The following PPEF2 variants were observed in gnomAD, a reference collection of about 807,000 sequenced individuals.
PPEF2 encodes serine/threonine-protein phosphatase with EF-hands 2.
PPEF2 carries 84 observed loss-of-function variants against 84.7 expected under a neutral mutation model. That is an observed-to-expected ratio of 0.99 (90% CI 0.83 to 1.19). The LOEUF is 1.19. Ranked by LOEUF, PPEF2 falls within the 50% of genes most tolerant of loss-of-function variation. PPEF2 has a pLI of 0.00. For synonymous variants in PPEF2, 346 were observed against 345.2 expected (o/e 1.00, Z -0.03); for missense variants, 924 against 937.5 (o/e 0.99, Z 0.19).
chr4:75,868,036 G>A (rs937827294), intron 13 of PPEF2, among the ~76,000 whole-genome samples: 2 of 151,978 alleles, frequency 1.3e-5, no homozygotes, highest in Admixed American at 6.6e-5. Context: ...GAGGCTTGGC[G>A]TGGTGGCTCA....
In PPEF2 at chr4:75,864,398, C is replaced by T. The variant is rs753130500; in HGVS notation, c.2008+42G>A. 6 of 1,419,828 alleles carry T rather than the reference C, an allele frequency of 4.2e-6. No individual in the cohort carries two copies. In the South Asian group the frequency reaches 6.9e-5, roughly 16 times the overall value. 88.0% of individuals were successfully genotyped at this position (1,419,828 alleles called of 1,614,324 possible). A position where few individuals can be genotyped will look rare whatever the true frequency, so the allele number is the denominator to read the frequency against. ...GAGATTAAGGGTTTAAGGTAAAATA[C>T]TTGCAGTGCTTCAAAAGTGATAGAA... On this transcript the variant is annotated intron_variant, in intron 16 of 16. Coordinates refer to ENST00000286719, the MANE Select transcript of PPEF2 (RefSeq NM_006239.3).
chr4:75,876,485 G>A lies in PPEF2; in HGVS notation c.1122C>T (p.Ser374=). The part of the protein sequence containing the change: ...YKAQKTSRSS[S]IPCSGSLDGR... Reference sequence around the variant, plus strand: ...CGTCCAGGGAACCGCTGCAGGGGATGCTGGAGGACCTGCTGGTTTTCTGGG... The same window carrying A: ...CGTCCAGGGAACCGCTGCAGGGGATACTGGAGGACCTGCTGGTTTTCTGGG... Residue 374 remains serine (S), a synonymous_variant, in exon 11 of 17, where the codon AGC becomes AGT. Transcript: ENST00000286719. 6.2e-7 allele frequency: 1 copy of A among 1,614,010 alleles called. No individual in the cohort carries two copies. Among genetic ancestry groups the A allele is most frequent in the Non-Finnish European group, 8.5e-7 (1 of 1,179,904 alleles).
chr4:75,870,456 A>T (rs1365391701), intron 13 of PPEF2, among the ~76,000 whole-genome samples: 1 of 152,182 alleles, frequency 6.6e-6, no homozygotes, highest in African/African-American at 2.4e-5. Context: ...ACAAGGGTAA[A>T]TGCTAAATAC....
intron 5 of PPEF2, 77 bp downstream of exon 5, chr4:75,889,880 C>T: frequency 2.7e-6 from 4 of 1,506,606 alleles, no homozygotes; most frequent in Non-Finnish European, 2.8e-6. Flanking sequence ...TGGGGCCATT[C>T]TTTCTGTGCT....
chr4:75,887,853 G>T (rs776500023), intron 6 of PPEF2, among the ~76,000 whole-genome samples: 4 of 152,136 alleles, frequency 2.6e-5, no homozygotes, highest in Non-Finnish European at 4.4e-5. Context: ...GTGGATGGGA[G>T]GAATAATTTG....
intron 2 of PPEF2, among the ~76,000 whole-genome samples, chr4:75,895,687 G>A (rs779934218): frequency 6.6e-6 from 1 of 151,796 alleles, no homozygotes; most frequent in Non-Finnish European, 1.5e-5. Flanking sequence ...AGTAGAGATC[G>A]TGCCACTGCA....
At position 75,898,921 on chromosome 4, in the gene PPEF2, G is replaced by T. The variant is rs144757364; in HGVS notation, c.-58-2538C>A. 5.1e-4 allele frequency among the ~76,000 whole-genome samples: 77 copies of T among 152,072 alleles called. 2 individuals carry two copies. The East Asian group carries it at 0.014, about 28-fold the overall frequency. ...ATACAATGCATTATTGTTAGATATA[G>T]TCATGGTACTGTACAATGGAGTGCC... On this transcript the variant is annotated intron_variant, in intron 1 of 16. Transcript: ENST00000286719.
rs1343075959 is a variant in PPEF2 at position 75,876,658 on chromosome 4, T to G, written c.949A>C (p.Arg317=). 6.4e-7 allele frequency: 1 copy of G among 1,552,142 alleles called. No individual in the cohort carries two copies. The highest frequency in any genetic ancestry group is 8.7e-7 in the Non-Finnish European group (1 of 1,149,520). ...IERSKIVSTM[R]CKTRQKSEKQ... is the part of the protein sequence containing the mutation. Reference sequence around the variant, plus strand: ...TCACTCTTCTGTCTCGTTTTGCACCTCATGGTGGAAACTATCTAAACACGT... The same window carrying G: ...TCACTCTTCTGTCTCGTTTTGCACCGCATGGTGGAAACTATCTAAACACGT... The change falls in exon 11 of 17, where the codon AGG becomes CGG. Residue 317 remains arginine, a synonymous_variant. Transcript: ENST00000286719.
intron 2 of PPEF2, among the ~76,000 whole-genome samples, chr4:75,895,010 A>G (rs1724975238): frequency 1.3e-5 from 2 of 152,212 alleles, no homozygotes; most frequent in South Asian, 2.1e-4. Flanking sequence ...GCTGGAGGGC[A>G]GTGGCATGAT....
intron 2 of PPEF2, among the ~76,000 whole-genome samples, chr4:75,892,334 C>T (rs1280918141): frequency 6.6e-6 from 1 of 152,062 alleles, no homozygotes; most frequent in East Asian, 1.9e-4. Flanking sequence ...GATGCAGCAT[C>T]CCTGACAGGT....
intron 13 of PPEF2, 129 bp downstream of exon 13, chr4:75,871,896 C>T: frequency 1.0e-6 from 1 of 991,840 alleles, no homozygotes; most frequent in Non-Finnish European, 1.5e-6. Context: ...AATAGAACTT[C>T]ATGCTGACAT....
chr4:75,890,008 T>G lies in PPEF2; in HGVS notation c.366A>C (p.Pro122=), dbSNP rs1035908216. 1 of 1,613,684 alleles carries G rather than the reference T, an allele frequency of 6.2e-7. No homozygotes were observed. Among genetic ancestry groups the G allele is most frequent in the Admixed American group, 1.7e-5 (1 of 59,946 alleles). Residue 122 remains proline (P), a synonymous_variant, in exon 5 of 17, where the codon CCA becomes CCC. Transcript: ENST00000286719. ...GGGCAGTTGCATGGTCAGGCAGGAG[T>G]GGGAAGGAGAGGCGTGGCCCCGTGT... ...DSYTGPRLSF[P]LLPDHATALV...
chr4:75,900,958 A>C lies in PPEF2; in HGVS notation c.-59+1272T>G, dbSNP rs1417682779. ...TATCATCTGTATAAAAAAAGTCAGTAAGTATATAAAAATGAAAGACTATAC... is the reference window on the plus strand; with the variant it reads ...TATCATCTGTATAAAAAAAGTCAGTCAGTATATAAAAATGAAAGACTATAC... On this transcript the variant is annotated intron_variant, in intron 1 of 16. Coordinates refer to ENST00000286719, the MANE Select transcript of PPEF2 (RefSeq NM_006239.3). Among the ~76,000 whole-genome samples the C allele has an allele frequency of 2.6e-5, 4 of 152,336 alleles. No individual in the cohort carries two copies. The East Asian group carries it at 7.7e-4, about 29-fold the overall frequency.
rs145171160 is a variant in PPEF2, at chr4:75,880,230, G to A, written c.933+2696C>T. Among the ~76,000 whole-genome samples, 320 of 152,250 alleles carry A rather than the reference G, an allele frequency of 2.1e-3. 1 individual carries two copies. The highest frequency in any genetic ancestry group is 7.2e-3 in the African/African-American group (299 of 41,562). On this transcript the variant is annotated intron_variant, in intron 10 of 16. Transcript: ENST00000286719. ...TGTATTGAGCCTTTTCCAAATAGGCGCTGTTCTGGGCATTTTCTATAAATT... is the reference window on the plus strand; with the variant it reads ...TGTATTGAGCCTTTTCCAAATAGGCACTGTTCTGGGCATTTTCTATAAATT...
chr4:75,860,835 ACAGATG>A lies in PPEF2; in HGVS notation c.2088_2093del (p.Ile697_Cys698del). The A allele has an allele frequency of 6.2e-7, 1 of 1,614,260 alleles. No homozygotes were observed. Among genetic ancestry groups the A allele is most frequent in the Non-Finnish European group, 8.5e-7 (1 of 1,180,050 alleles). The stretch of plus-strand genomic sequence containing the variant: ...TGAAATCAATGCTCCGAGCAAGGTC[ACAGATG>A]CAGTCATCTGTAATGTCGATATTCA... On this transcript the variant is annotated inframe_deletion, in exon 17 of 17. Transcript: ENST00000286719.
chr4:75,892,571 G>T lies in PPEF2; in HGVS notation c.56-593C>A, dbSNP rs3775072. On this transcript the variant is annotated intron_variant, in intron 2 of 16. Transcript: ENST00000286719. Reference sequence around the variant, plus strand: ...ATGCATCATACGATGTCAGGGGGTAGCAACTGTGTCCCAGCTCCCATGCTT... The same window carrying T: ...ATGCATCATACGATGTCAGGGGGTATCAACTGTGTCCCAGCTCCCATGCTT... 2.4e-4 allele frequency among the ~76,000 whole-genome samples: 37 copies of T among 152,308 alleles called. No homozygotes were observed. The East Asian group carries it at 6.8e-3, about 28-fold the overall frequency.
At chr4:75,867,529 G>T in intron 13 of PPEF2, 110 bp from the exon 14 acceptor site, 1 of 815,298 alleles carries the variant, frequency 1.2e-6, no homozygotes, top group Non-Finnish European at 1.9e-6. Flanking sequence ...TCTCCCAAGA[G>T]CTCAGTTTTC....
At chr4:75,885,782 A>C (rs968431090) in intron 7 of PPEF2, among the ~76,000 whole-genome samples, 15 of 152,044 alleles carry the variant, frequency 9.9e-5, no homozygotes, top group African/African-American at 3.4e-4. Flanking sequence ...AGGCTGAGGC[A>C]GGTGGATCAT....
intron 10 of PPEF2, among the ~76,000 whole-genome samples, chr4:75,879,249 A>G (rs1019299470): frequency 2.6e-5 from 4 of 152,206 alleles, no homozygotes; most frequent in African/African-American, 4.8e-5. Context: ...GTATTTTGAC[A>G]TTTGAAATTT....
Sources: gnomAD v4.1 joint callset for allele counts (sites outside exome capture counted in the v4.1 genomes callset) on GRCh38, gnomAD v4.1.1 for gene constraint, MANE v1.5 for transcripts, NCBI Gene and HGNC (gene_info 2026-07-23, HGNC 2026-07-21) for gene names.